NKAIN2: variants seen among roughly 807,000 people sequenced by gnomAD.
NKAIN2 encodes the protein sodium/potassium transporting ATPase interacting 2, also known as sodium/potassium-transporting ATPase subunit beta-1-interacting protein 2.
A neutral mutation model predicts 32.6 loss-of-function variants in NKAIN2; 14 were observed. The ratio of observed to expected loss-of-function variants is 0.43; its 90% CI spans 0.28 to 0.67. NKAIN2 has a LOEUF of 0.67. Ranked by LOEUF, NKAIN2 falls within the 30% of genes least tolerant of loss-of-function variation. The pLI, the probability that NKAIN2 is intolerant of heterozygous loss-of-function variation, is 0.17. For missense variants in NKAIN2, 198 were observed against 258.3 expected (o/e 0.77, Z 1.60); for synonymous variants, 80 against 87.2 (o/e 0.92, Z 0.46).
intron 3 of NKAIN2, among the ~76,000 whole-genome samples, chr6:124,635,680 T>C (rs1783748055): frequency 6.6e-6 from 1 of 151,960 alleles, no homozygotes; most frequent in Admixed American, 6.6e-5. Context: ...GTAAAAATCA[T>C]AAAATATTAT....
At chr6:123,823,633 A>C (rs1327576514) in intron 1 of NKAIN2, among the ~76,000 whole-genome samples, 1 of 152,150 alleles carries the variant, frequency 6.6e-6, no homozygotes, top group African/African-American at 2.4e-5. Context: ...ACAAGTGGGA[A>C]GCAAGAAGAG....
At chr6:124,037,309 T>G (rs2114800702) in intron 1 of NKAIN2, among the ~76,000 whole-genome samples, 1 of 152,288 alleles carries the variant, frequency 6.6e-6, no homozygotes, top group Non-Finnish European at 1.5e-5. Flanking sequence ...AAGCTGTATC[T>G]TTGGTTCTTT....
chr6:123,981,869 T>A (rs1306799909), intron 1 of NKAIN2, among the ~76,000 whole-genome samples: 1 of 151,176 alleles, frequency 6.6e-6, no homozygotes, highest in East Asian at 1.9e-4. Flanking sequence ...AGAGGGGAGG[T>A]TGACGGGATC....
intron 1 of NKAIN2, among the ~76,000 whole-genome samples, chr6:123,830,339 G>A (rs1280953405): frequency 6.6e-6 from 1 of 152,042 alleles, no homozygotes; most frequent in Non-Finnish European, 1.5e-5. Flanking sequence ...ACACTTCAAA[G>A]CCTTCCTGTT....
intron 3 of NKAIN2, among the ~76,000 whole-genome samples, chr6:124,517,717 T>C (rs1778967823): frequency 1.3e-5 from 2 of 152,188 alleles, no homozygotes; most frequent in Non-Finnish European, 2.9e-5. Flanking sequence ...AAAATAATCA[T>C]ATTACAATTG....
chr6:124,610,637 T>C (rs1176308122), intron 3 of NKAIN2, among the ~76,000 whole-genome samples: 1 of 152,200 alleles, frequency 6.6e-6, no homozygotes, highest in Non-Finnish European at 1.5e-5. Context: ...TGACACTAGT[T>C]TTCTGGAGTA....
chr6:124,524,765 C>G (rs1202464525), intron 3 of NKAIN2, among the ~76,000 whole-genome samples: 2 of 152,150 alleles, frequency 1.3e-5, no homozygotes, highest in Non-Finnish European at 2.9e-5. Flanking sequence ...TAACATATCC[C>G]TTTTATCAAG....
intron 3 of NKAIN2, among the ~76,000 whole-genome samples, chr6:124,472,596 G>A (rs1033967349): frequency 6.6e-6 from 1 of 151,886 alleles, no homozygotes; most frequent in Admixed American, 6.6e-5. Context: ...GACACAGAAT[G>A]GGTTCGAGCA....
At chr6:123,979,290 A>G (rs1778785639) in intron 1 of NKAIN2, among the ~76,000 whole-genome samples, 1 of 152,210 alleles carries the variant, frequency 6.6e-6, no homozygotes, top group Admixed American at 6.5e-5. Flanking sequence ...TGTAGGTCCT[A>G]GTAAGGCAGT....
intron 3 of NKAIN2, among the ~76,000 whole-genome samples, chr6:124,568,822 C>CAAAAAAAAAAAA (rs3053601): frequency 1.2e-4 from 10 of 80,522 alleles, no homozygotes; most frequent in Non-Finnish European, 1.3e-4. Context: ...AGCACTGTGG[C>CAAAAAAAAAAAA]AAAAAAAAAA....
intron 3 of NKAIN2, among the ~76,000 whole-genome samples, chr6:124,541,643 A>G (rs1226356790): frequency 6.6e-6 from 1 of 152,170 alleles, no homozygotes; most frequent in African/African-American, 2.4e-5. Context: ...AGCATCCTCA[A>G]TTAGGGAAAG....
intron 3 of NKAIN2, among the ~76,000 whole-genome samples, chr6:124,609,394 G>A (rs1782608943): frequency 6.7e-6 from 1 of 150,128 alleles, no homozygotes; most frequent in Non-Finnish European, 1.5e-5. Flanking sequence ...TTGATAGGAT[G>A]GTTTGAAAGA....
chr6:124,768,414 A>G (rs1350439724), intron 4 of NKAIN2, among the ~76,000 whole-genome samples: 1 of 152,162 alleles, frequency 6.6e-6, no homozygotes, highest in Non-Finnish European at 1.5e-5. Flanking sequence ...TCTTACCTCT[A>G]CAGCAAAACA....
intron 1 of NKAIN2, among the ~76,000 whole-genome samples, chr6:124,238,679 A>C (rs1792911105): frequency 6.6e-6 from 1 of 152,180 alleles, no homozygotes. Context: ...GTGCAGCCCA[A>C]GCTTCATAAG....
chr6:123,911,816 C>CGTATATATATATATAT (rs1554222393), intron 1 of NKAIN2, among the ~76,000 whole-genome samples: 1 of 76,046 alleles, frequency 1.3e-5, no homozygotes. Flanking sequence ...TATATATACA[C>CGTATATATATATATAT]ACACACACAC....
At chr6:123,829,333 C>A (rs1774279086) in intron 1 of NKAIN2, 2 of 152,164 alleles carry the variant, frequency 1.3e-5, no homozygotes, top group Admixed American at 1.3e-4. Flanking sequence ...TATCTGACAG[C>A]ATCCTGTGGG....
At chr6:124,491,708 A>C (rs996777686) in intron 3 of NKAIN2, among the ~76,000 whole-genome samples, 1 of 151,892 alleles carries the variant, frequency 6.6e-6, no homozygotes, top group Non-Finnish European at 1.5e-5. Flanking sequence ...TAAATCTAAA[A>C]TTTGCAAATT....
At chr6:123,942,985 G>A (rs946654906) in intron 1 of NKAIN2, among the ~76,000 whole-genome samples, 35 of 151,968 alleles carry the variant, frequency 2.3e-4, no homozygotes, top group African/African-American at 8.2e-4. Context: ...CTCTCTTAAA[G>A]CAGTCAGTTT....
At chr6:123,944,448 C>G (rs969896253) in intron 1 of NKAIN2, among the ~76,000 whole-genome samples, 1 of 152,006 alleles carries the variant, frequency 6.6e-6, no homozygotes. Flanking sequence ...TCATGTGTAG[C>G]CTTCTATTTT....
Sources: allele counts gnomAD v4.1 joint callset (sites outside exome capture counted in the v4.1 genomes callset), GRCh38; gene constraint gnomAD v4.1.1; transcripts MANE v1.5; gene names NCBI Gene and HGNC (gene_info 2026-07-23, HGNC 2026-07-21).